Variants in CRYBG1 observed in about 807,000 individuals in gnomAD.
The protein encoded by CRYBG1 is crystallin beta-gamma domain containing 1.
A neutral mutation model predicts 189.2 loss-of-function variants in CRYBG1; 139 were observed. The ratio of observed to expected loss-of-function variants is 0.73; its 90% CI spans 0.64 to 0.85. The LOEUF is 0.85. Among genes scored for constraint, CRYBG1 ranks in the 40% least tolerant of loss-of-function variants. The probability of loss-of-function intolerance (pLI) is 0.00; values close to 1 mark genes in which losing one functional copy is unlikely to be tolerated. For missense variants in CRYBG1, 2,611 were observed against 2,675.8 expected (o/e 0.98, Z 0.53); for synonymous variants, 1,023 against 1,017.1 (o/e 1.01, Z -0.11).
Position 106,395,659 on chromosome 6 carries a change from A to G in CRYBG1, c.173+34578A>G, listed in dbSNP as rs185443787. ...AGTGAGATTATGGATTTTCAGAAGT[A>G]TAGGATTTTTTGGTTTGCTTCCTTA... On this transcript the variant is annotated intron_variant, in intron 1 of 21. Transcript: ENST00000633556. Among the ~76,000 whole-genome samples the G allele has an allele frequency of 1.3e-3, 200 of 152,294 alleles. 1 individual carries two copies. The highest frequency in any genetic ancestry group is 4.6e-3 in the African/African-American group (192 of 41,572).
intron 13 of CRYBG1, among the ~76,000 whole-genome samples, chr6:106,549,848 A>T (rs898652438): frequency 2.0e-5 from 3 of 152,114 alleles, no homozygotes; most frequent in African/African-American, 7.2e-5. Flanking sequence ...TTTTTGTTTA[A>T]ATCAGCCCTT....
At chr6:106,539,200 G>A (rs1582826225) in intron 8 of CRYBG1, among the ~76,000 whole-genome samples, 1 of 152,294 alleles carries the variant, frequency 6.6e-6, no homozygotes, top group East Asian at 1.9e-4. Context: ...AAGGAGAAAA[G>A]TAAAAGATCA....
At chr6:106,539,292 G>A in intron 8 of CRYBG1, 111 bp from the exon 9 acceptor site, 1 of 1,293,414 alleles carries the variant, frequency 7.7e-7, no homozygotes, top group South Asian at 1.4e-5. Flanking sequence ...CATTATGTAG[G>A]TCCGTATCCT....
Position 106,520,497 on chromosome 6 carries a change from A to G in CRYBG1, c.3289A>G (p.Ser1097Gly). Reference protein sequence around the residue: ...LLNISAGSDDSVFDSSSDMEK... With the variant: ...LLNISAGSDDGVFDSSSDMEK... ...GAACATTTCTGCTGGTAGTGATGAT[A>G]GTGTATTTGATTCTTCTTCTGATAT... The change falls in exon 4 of 22, where the codon AGT becomes GGT. Residue 1097 changes from serine (S) to glycine (G), a missense_variant. Physicochemically the swap from Ser to Gly is moderately conservative, Grantham distance 56 (BLOSUM62 0). This residue lies in a region of CRYBG1 where 1,622 missense variants were observed against 1,735.0 expected (regional missense o/e 0.93). Coordinates refer to ENST00000633556, the MANE Select transcript of CRYBG1 (RefSeq NM_001371242.2). The G allele has an allele frequency of 1.2e-6, 2 of 1,614,168 alleles. No homozygotes were observed. The highest frequency in any genetic ancestry group is 2.2e-5 in the East Asian group (1 of 44,886).
intron 2 of CRYBG1, among the ~76,000 whole-genome samples, chr6:106,461,375 G>A (rs1772005767): frequency 6.6e-6 from 1 of 152,180 alleles, no homozygotes; most frequent in Non-Finnish European, 1.5e-5. Flanking sequence ...TACATTTCAA[G>A]CTGAGTTCCT....
rs573561395 is a variant in CRYBG1, at chr6:106,465,612, C to A, written c.312+13780C>A. On this transcript the variant is annotated intron_variant, in intron 2 of 21. Transcript: ENST00000633556. ...TTCTTTGGAGTAAAATGTTGTACTG[C>A]TGGAAAAAAATCTTAAAAACAACTG... 2.0e-5 allele frequency among the ~76,000 whole-genome samples: 3 copies of A among 151,494 alleles called. No individual in the cohort carries two copies. In the South Asian group the frequency reaches 6.3e-4, roughly 32 times the overall value.
rs766180081 is a variant in CRYBG1 at position 106,519,479 on chromosome 6, A to G, written c.2271A>G (p.Glu757=). 1 of 1,614,116 alleles carries G rather than the reference A, an allele frequency of 6.2e-7. No homozygotes were observed. Among genetic ancestry groups the G allele is most frequent in the Non-Finnish European group, 8.5e-7 (1 of 1,179,992 alleles). Residue 757 remains glutamate (E), a synonymous_variant, in exon 4 of 22, where the codon GAA becomes GAG. Coordinates refer to ENST00000633556, the MANE Select transcript of CRYBG1 (RefSeq NM_001371242.2). ...TAIETKVTVS[E]EEILPATRGM... ...TAGAAACCAAAGTTACCGTCTCGGA[A>G]GAAGAGATTCTGCCAGCAACCAGAG...
Position 106,571,844 on chromosome 6 carries a change from G to A in CRYBG1, c.*3278G>A. 1 of 550,476 alleles carries A rather than the reference G, an allele frequency of 1.8e-6. No individual in the cohort carries two copies. Among genetic ancestry groups the A allele is most frequent in the Non-Finnish European group, 3.3e-6 (1 of 307,636 alleles). 34.1% of individuals were successfully genotyped at this position (550,476 alleles called of 1,614,324 possible). A position where few individuals can be genotyped will look rare whatever the true frequency, so the allele number is the denominator to read the frequency against. ...TGCTGATATTTTTATATCAATTACT[G>A]GCCAAAATGGTGTGTTTATTTTTTA... On this transcript the variant is annotated 3_prime_UTR_variant, in exon 22 of 22. Coordinates refer to ENST00000633556, the MANE Select transcript of CRYBG1 (RefSeq NM_001371242.2).
intron 9 of CRYBG1, 99 bp downstream of exon 9, chr6:106,539,628 A>C (rs1774084678): frequency 7.1e-7 from 1 of 1,411,252 alleles, no homozygotes; most frequent in Non-Finnish European, 9.6e-7. Context: ...GACTTTTAAG[A>C]AACAAATTTG....
intron 3 of CRYBG1, among the ~76,000 whole-genome samples, chr6:106,517,341 TACACAC>T (rs200196517): frequency 6.4e-5 from 9 of 141,044 alleles, no homozygotes; most frequent in African/African-American, 2.2e-4. Flanking sequence ...CATATATATA[TACACAC>T]ACATATATAT....
At chr6:106,456,781 C>G (rs564367748) in intron 2 of CRYBG1, among the ~76,000 whole-genome samples, 2 of 152,114 alleles carry the variant, frequency 1.3e-5, no homozygotes, top group East Asian at 1.9e-4. Flanking sequence ...CCAATCTCAC[C>G]TCGTTTCTTA....
chr6:106,393,434 C>T (rs1236012314), intron 1 of CRYBG1, among the ~76,000 whole-genome samples: 1 of 152,082 alleles, frequency 6.6e-6, no homozygotes, highest in Non-Finnish European at 1.5e-5. Context: ...GGCATTCCTC[C>T]TACAGCCGGC....
intron 17 of CRYBG1, 58 bp from the exon 18 acceptor site, chr6:106,558,428 A>G (rs1310910497): frequency 6.5e-6 from 9 of 1,392,936 alleles, no homozygotes; most frequent in South Asian, 1.4e-5. Flanking sequence ...TGATTTTCAC[A>G]TAAGTTTGAA....
chr6:106,477,644 G>A (rs12664105), intron 2 of CRYBG1, among the ~76,000 whole-genome samples: 5 of 152,308 alleles, frequency 3.3e-5, no homozygotes, highest in East Asian at 1.9e-4. Context: ...TACCCCTGGT[G>A]ATCTGAGCTG....
chr6:106,518,730 G>A (rs35790766), intron 3 of CRYBG1, among the ~76,000 whole-genome samples: 31,712 of 152,120 alleles, frequency 0.21, 3,765 homozygotes, highest in South Asian at 0.34. Context: ...GGCCAAGATG[G>A]GAGGATTGCT....
intron 10 of CRYBG1, among the ~76,000 whole-genome samples, chr6:106,542,629 ATT>A (rs1196877710): frequency 1.8e-5 from 2 of 110,674 alleles, no homozygotes; most frequent in South Asian, 4.8e-4. Flanking sequence ...ATTTTATTTT[ATT>A]TTATTTTATT....
chr6:106,514,862 T>G (rs1448836727), intron 3 of CRYBG1, among the ~76,000 whole-genome samples: 1 of 152,256 alleles, frequency 6.6e-6, no homozygotes, highest in Admixed American at 6.5e-5. Flanking sequence ...ACATTCAATG[T>G]ATTTGTTTTG....
chr6:106,526,941 CAAAAA>C (rs35768853), intron 6 of CRYBG1, among the ~76,000 whole-genome samples: 1 of 88,382 alleles, frequency 1.1e-5, no homozygotes, highest in Non-Finnish European at 2.1e-5. Flanking sequence ...ACTCTGTATC[CAAAAA>C]AAAAAAAAAA....
intron 1 of CRYBG1, among the ~76,000 whole-genome samples, chr6:106,424,209 G>A (rs1038443441): frequency 5.3e-5 from 8 of 152,058 alleles, no homozygotes; most frequent in Admixed American, 5.2e-4. Flanking sequence ...GGAACTCATA[G>A]TACAAAACAC....
Sources: allele counts gnomAD v4.1 joint callset (sites outside exome capture counted in the v4.1 genomes callset), GRCh38; gene constraint gnomAD v4.1.1; regional missense constraint gnomAD v4.1.1; transcripts MANE v1.5; gene names NCBI Gene and HGNC (gene_info 2026-07-23, HGNC 2026-07-21).